GRIN2B: variants seen among roughly 807,000 people sequenced by gnomAD.
GRIN2B encodes the protein glutamate ionotropic receptor NMDA type subunit 2B, also known as glutamate receptor ionotropic, NMDA 2B.
A neutral mutation model predicts 114.5 loss-of-function variants in GRIN2B; 5 were observed. That is an observed-to-expected ratio of 0.04 (90% confidence interval 0.02 to 0.09). The LOEUF (loss-of-function observed/expected upper bound fraction) is 0.09. GRIN2B is among the 10% of genes least tolerant of loss of function. The pLI, the probability that GRIN2B is intolerant of heterozygous loss-of-function variation, is 1.00. For missense variants in GRIN2B, 1,108 were observed against 1,943.5 expected (o/e 0.57, Z 8.08); for synonymous variants, 787 against 745.1 (o/e 1.06, Z -0.92).
chr12:13,644,380 G>A (rs564943506), intron 5 of GRIN2B, among the ~76,000 whole-genome samples: 61 of 152,032 alleles, frequency 4.0e-4, no homozygotes, highest in Non-Finnish European at 7.2e-4. Flanking sequence ...TAAAATATTC[G>A]GTAAATCATG....
At chr12:13,574,415 G>C (rs1948747041) in intron 10 of GRIN2B, among the ~76,000 whole-genome samples, 1 of 152,152 alleles carries the variant, frequency 6.6e-6, no homozygotes, top group Non-Finnish European at 1.5e-5. Flanking sequence ...ACAATACTAG[G>C]ACAATGACAA....
chr12:13,718,457 G>A (rs1406548739), intron 4 of GRIN2B, among the ~76,000 whole-genome samples: 6 of 151,982 alleles, frequency 3.9e-5, no homozygotes, highest in Admixed American at 6.6e-5. Flanking sequence ...GGACTGGACC[G>A]AGGCAGTTCC....
In GRIN2B at chr12:13,871,399, A is replaced by C. The variant is rs1311688885; in HGVS notation, c.-18-5173T>G. Among the ~76,000 whole-genome samples the C allele has an allele frequency of 3.9e-5, 6 of 151,948 alleles. No homozygotes were observed. The East Asian group carries it at 1.2e-3, about 29-fold the overall frequency. ...AAATCTTAAAAAAAAAAAACTTGTG[A>C]TTAAATAACTATAAGGTTAAAAAGG... On this transcript the variant is annotated intron_variant, in intron 2 of 13. Coordinates refer to ENST00000609686, the MANE Select transcript of GRIN2B (RefSeq NM_000834.5).
intron 3 of GRIN2B, among the ~76,000 whole-genome samples, chr12:13,804,697 A>G (rs893860292): frequency 6.6e-6 from 1 of 152,114 alleles, no homozygotes; most frequent in Non-Finnish European, 1.5e-5. Context: ...CGTGTTTCTC[A>G]TAGAGATTTA....
chr12:13,794,264 A>G (rs1223530388), intron 3 of GRIN2B, among the ~76,000 whole-genome samples: 1 of 152,066 alleles, frequency 6.6e-6, no homozygotes, highest in Non-Finnish European at 1.5e-5. Flanking sequence ...ATCAAGAAAA[A>G]GAAAGCATAA....
rs200269512 is a variant in GRIN2B at position 13,562,982 on chromosome 12, G to A, written c.4256C>T (p.Pro1419Leu). 5.6e-6 allele frequency: 9 copies of A among 1,613,592 alleles called. No homozygotes were observed. The highest frequency in any genetic ancestry group is 2.2e-5 in the East Asian group (1 of 44,866). The change falls in exon 14 of 14, where the codon CCG (proline) becomes CTG (leucine). Residue 1419 changes from proline (P) to leucine (L), a missense_variant. Around this residue, in one of 19 missense-constraint regions of GRIN2B, gnomAD observed 478 missense variants for 506.0 expected, o/e 0.94. Coordinates refer to ENST00000609686, the MANE Select transcript of GRIN2B (RefSeq NM_000834.5). The part of the protein sequence containing the change: ...PTVAGASKAR[P>L]DFRALVTNKP... ...GTTGGTGACAAGGGCCCGGAAGTCC[G>A]GCCTGGCTTTCGACGCCCCCGCCAC...
intron 1 of GRIN2B, among the ~76,000 whole-genome samples, chr12:13,980,651 G>A (rs1180378968): frequency 1.3e-5 from 2 of 151,914 alleles, no homozygotes; most frequent in Admixed American, 1.3e-4. Context: ...GGGAAGGAAG[G>A]AGGAAGGGGG....
At chr12:13,875,027 A>G (rs117881694) in intron 2 of GRIN2B, among the ~76,000 whole-genome samples, 10,613 of 152,154 alleles carry the variant, frequency 0.07, 506 homozygotes, top group African/African-American at 0.14. Context: ...CTTGGTATTA[A>G]GCCCAGCATC....
chr12:13,849,521 C>T (rs1865522907), intron 3 of GRIN2B, among the ~76,000 whole-genome samples: 1 of 152,066 alleles, frequency 6.6e-6, no homozygotes, highest in South Asian at 2.1e-4. Flanking sequence ...CTAGAGCCAT[C>T]CTTCCAGAAC....
At chr12:13,668,191 A>G (rs1481616813) in intron 5 of GRIN2B, among the ~76,000 whole-genome samples, 1 of 152,184 alleles carries the variant, frequency 6.6e-6, no homozygotes, top group East Asian at 1.9e-4. Context: ...CAGTCTCTGA[A>G]TTCAATTCTG....
In GRIN2B at chr12:13,557,895, T is replaced by C. The variant is rs781563598; in HGVS notation, c.*4888A>G. On this transcript the variant is annotated 3_prime_UTR_variant, in exon 14 of 14. Coordinates refer to ENST00000609686, the MANE Select transcript of GRIN2B (RefSeq NM_000834.5). ...GCTTAATATGTCACCTTTCCTGGGA[T>C]TACTTTCATTCGAATGACAGACAGC... The C allele has an allele frequency of 1.3e-5, 2 of 152,180 alleles. No homozygotes were observed. Among genetic ancestry groups the C allele is most frequent in the Non-Finnish European group, 2.9e-5 (2 of 68,034 alleles). The allele number at this position is 152,180 out of a possible 1,614,324, so 9.4% of individuals were successfully genotyped here. A position where few individuals can be genotyped will look rare whatever the true frequency, so the allele number is the denominator to read the frequency against.
intron 2 of GRIN2B, among the ~76,000 whole-genome samples, chr12:13,978,135 C>G (rs1863060064): frequency 6.6e-6 from 1 of 152,178 alleles, no homozygotes; most frequent in Admixed American, 6.5e-5. Flanking sequence ...GGCCCTGTGC[C>G]CCATCAATGC....
intron 3 of GRIN2B, among the ~76,000 whole-genome samples, chr12:13,861,784 G>A (rs1865756840): frequency 6.6e-6 from 1 of 152,078 alleles, no homozygotes; most frequent in Non-Finnish European, 1.5e-5. Context: ...CCAATTTAGA[G>A]TTTTTTCTAC....
Position 13,563,664 on chromosome 12 carries a change from C to T in GRIN2B, c.3574G>A (p.Gly1192Arg), listed in dbSNP as rs267603391. 3 of 1,613,524 alleles carry T rather than the reference C, an allele frequency of 1.9e-6. No individual in the cohort carries two copies. Among genetic ancestry groups the T allele is most frequent in the South Asian group, 1.1e-5 (1 of 91,078 alleles). The change falls in exon 14 of 14, where the codon GGG (glycine) becomes AGG (arginine). Residue 1192 changes from glycine to arginine, a missense_variant. This residue lies in a region of GRIN2B where 478 missense variants were observed against 506.0 expected (regional missense o/e 0.94). Coordinates refer to ENST00000609686, the MANE Select transcript of GRIN2B (RefSeq NM_000834.5). Reference protein sequence around the residue: ...GTGDKHGVVSGVPAPWEKNLT... With the variant: ...GTGDKHGVVSRVPAPWEKNLT... ...TTCTTCTCCCAAGGTGCAGGTACCCCGCTGACCACGCCGTGTTTGTCGCCC... is the reference window on the plus strand; with the variant it reads ...TTCTTCTCCCAAGGTGCAGGTACCCTGCTGACCACGCCGTGTTTGTCGCCC...
intron 3 of GRIN2B, among the ~76,000 whole-genome samples, chr12:13,824,593 G>T (rs1259138826): frequency 6.6e-6 from 1 of 151,994 alleles, no homozygotes; most frequent in South Asian, 2.1e-4. Flanking sequence ...GGTGGCTCAC[G>T]CCTGTAATCC....
intron 9 of GRIN2B, among the ~76,000 whole-genome samples, chr12:13,610,667 A>G (rs964444741): frequency 6.6e-6 from 1 of 152,226 alleles, no homozygotes; most frequent in Non-Finnish European, 1.5e-5. Flanking sequence ...AATCCAACAG[A>G]AGCATGAGGA....
intron 5 of GRIN2B, among the ~76,000 whole-genome samples, chr12:13,623,987 C>T (rs1949544465): frequency 6.6e-6 from 1 of 152,128 alleles, no homozygotes; most frequent in Non-Finnish European, 1.5e-5. Context: ...AGGTCTGTCC[C>T]CTTGCCATGT....
chr12:13,739,264 A>G (rs1292520374), intron 4 of GRIN2B, among the ~76,000 whole-genome samples: 3 of 149,730 alleles, frequency 2.0e-5, no homozygotes, highest in Non-Finnish European at 4.4e-5. Context: ...CTACCCAGCT[A>G]CTTGGGAGGC....
chr12:13,967,002 A>G (rs1867799597), intron 2 of GRIN2B, among the ~76,000 whole-genome samples: 1 of 152,222 alleles, frequency 6.6e-6, no homozygotes, highest in African/African-American at 2.4e-5. Flanking sequence ...TGCAGAAAGA[A>G]AGGTGGAGAA....
Sources: gnomAD v4.1 joint callset for allele counts (sites outside exome capture counted in the v4.1 genomes callset) on GRCh38, gnomAD v4.1.1 for gene constraint, gnomAD v4.1.1 regional missense constraint, MANE v1.5 for transcripts, NCBI Gene and HGNC (gene_info 2026-07-23, HGNC 2026-07-21) for gene names.